Variants in NAALADL2 observed in about 807,000 individuals in gnomAD.
The protein encoded by NAALADL2 is inactive N-acetylated-alpha-linked acidic dipeptidase-like protein 2.
In NAALADL2, 76 loss-of-function variants were observed where a neutral mutation model predicts 87.2. The observed-to-expected ratio is 0.87, with a 90% CI of 0.72 to 1.05. NAALADL2 has a LOEUF of 1.05. Among genes scored for constraint, NAALADL2 ranks in the 50% least tolerant of loss-of-function variants. The probability of loss-of-function intolerance (pLI) is 0.00; values close to 1 mark genes in which losing one functional copy is unlikely to be tolerated. For missense variants in NAALADL2, 1,089 were observed against 945.8 expected (o/e 1.15, Z -1.99); for synonymous variants, 354 against 331.0 (o/e 1.07, Z -0.75).
intron 1 of NAALADL2, among the ~76,000 whole-genome samples, chr3:174,473,385 G>C (rs1177887339): frequency 6.6e-6 from 1 of 152,068 alleles, no homozygotes; most frequent in Non-Finnish European, 1.5e-5. Flanking sequence ...TCAGTGTCAA[G>C]AGCCACCATC....
intron 5 of NAALADL2, among the ~76,000 whole-genome samples, chr3:175,357,295 T>C (rs183774982): frequency 2.6e-5 from 4 of 152,250 alleles, no homozygotes; most frequent in Admixed American, 2.6e-4. Context: ...TTATTTAGGC[T>C]TGACTCATCT....
chr3:174,918,909 T>C (rs749138939), intron 1 of NAALADL2, among the ~76,000 whole-genome samples: 2 of 151,914 alleles, frequency 1.3e-5, no homozygotes, highest in Non-Finnish European at 2.9e-5. Context: ...TTAATATTGA[T>C]GTTCAGATCG....
chr3:175,190,430 G>C (rs1737970961), intron 2 of NAALADL2, among the ~76,000 whole-genome samples: 1 of 152,020 alleles, frequency 6.6e-6, no homozygotes. Flanking sequence ...ATGGCCATCA[G>C]GTAAATGAAA....
chr3:174,863,093 A>G (rs1030155801), intron 1 of NAALADL2, among the ~76,000 whole-genome samples: 4 of 152,144 alleles, frequency 2.6e-5, no homozygotes, highest in Non-Finnish European at 5.9e-5. Flanking sequence ...AAGCTAGAAG[A>G]TAGTCTCAAG....
intron 1 of NAALADL2, among the ~76,000 whole-genome samples, chr3:175,087,336 C>A (rs1040477958): frequency 6.6e-6 from 1 of 152,134 alleles, no homozygotes; most frequent in Non-Finnish European, 1.5e-5. Flanking sequence ...AGGTTGGGGG[C>A]GCCTCTGCAC....
chr3:175,390,896 C>T (rs1252538439), intron 5 of NAALADL2, among the ~76,000 whole-genome samples: 1 of 152,120 alleles, frequency 6.6e-6, no homozygotes, highest in Admixed American at 6.5e-5. Context: ...CAATCTGCAC[C>T]TGTACTAAGT....
chr3:175,352,078 C>T (rs1763834980), intron 5 of NAALADL2, among the ~76,000 whole-genome samples: 1 of 151,970 alleles, frequency 6.6e-6, no homozygotes, highest in Admixed American at 6.6e-5. Flanking sequence ...GAGGTTTCTC[C>T]TGCATAGAAT....
At chr3:174,882,634 T>C (rs557540045) in intron 1 of NAALADL2, among the ~76,000 whole-genome samples, 7 of 89,560 alleles carry the variant, frequency 7.8e-5, no homozygotes, top group East Asian at 4.0e-4. Context: ...TATGTGCATA[T>C]ACACATATGT....
chr3:174,655,812 ACTTT>A (rs777479618), intron 2 of NAALADL2, among the ~76,000 whole-genome samples: 10 of 152,176 alleles, frequency 6.6e-5, no homozygotes, highest in Non-Finnish European at 5.9e-5. Flanking sequence ...AAATTACCTT[ACTTT>A]ATCAGTTTTA....
At chr3:174,825,921 G>A (rs1721931082) in intron 3 of NAALADL2, among the ~76,000 whole-genome samples, 1 of 152,102 alleles carries the variant, frequency 6.6e-6, no homozygotes. Flanking sequence ...CAGCTACTCA[G>A]GAGGCTGAGG....
intron 3 of NAALADL2, among the ~76,000 whole-genome samples, chr3:175,243,000 G>A (rs370207540): frequency 5.9e-5 from 9 of 151,998 alleles, no homozygotes; most frequent in African/African-American, 1.9e-4. Flanking sequence ...GGACATGAAT[G>A]GTTAAGTATT....
intron 1 of NAALADL2, among the ~76,000 whole-genome samples, chr3:175,087,355 C>T (rs1224000036): frequency 2.0e-5 from 3 of 151,896 alleles, no homozygotes; most frequent in Non-Finnish European, 4.4e-5. Flanking sequence ...ACGGCCGCCC[C>T]GTCTGGGAAG....
At chr3:174,998,211 C>G (rs905348663) in intron 1 of NAALADL2, among the ~76,000 whole-genome samples, 2 of 152,180 alleles carry the variant, frequency 1.3e-5, no homozygotes, top group Admixed American at 6.5e-5. Context: ...ATCCTCACGA[C>G]AGTGTACAAG....
chr3:174,453,910 A>G (rs1308467085), intron 1 of NAALADL2, among the ~76,000 whole-genome samples: 1 of 152,184 alleles, frequency 6.6e-6, no homozygotes, highest in Non-Finnish European at 1.5e-5. Flanking sequence ...CCTCATATCA[A>G]TACTAACCTT....
chr3:175,451,597 A>C (rs1016861433), intron 6 of NAALADL2, among the ~76,000 whole-genome samples: 1 of 152,162 alleles, frequency 6.6e-6, no homozygotes, highest in Non-Finnish European at 1.5e-5. Context: ...AGAAATTTTA[A>C]AATCCATTAA....
intron 12 of NAALADL2, among the ~76,000 whole-genome samples, chr3:175,747,976 T>C (rs543478266): frequency 2.0e-5 from 3 of 152,286 alleles, no homozygotes; most frequent in Non-Finnish European, 2.9e-5. Context: ...ACCTGGATTA[T>C]TGGATAATCT....
chr3:175,131,892 A>C (rs368864235), intron 2 of NAALADL2, among the ~76,000 whole-genome samples: 1 of 27,318 alleles, frequency 3.7e-5, no homozygotes. Flanking sequence ...CCTCCCTCCC[A>C]GACGGGGCGG....
intron 3 of NAALADL2, among the ~76,000 whole-genome samples, chr3:174,762,481 G>A (rs1451638328): frequency 6.7e-6 from 1 of 149,990 alleles, no homozygotes; most frequent in Non-Finnish European, 1.5e-5. Context: ...ACCATGTTCC[G>A]TATAAAGCAA....
intron 13 of NAALADL2, among the ~76,000 whole-genome samples, chr3:175,767,021 C>G (rs1748788531): frequency 6.6e-6 from 1 of 152,062 alleles, no homozygotes; most frequent in Non-Finnish European, 1.5e-5. Flanking sequence ...GTACACCATC[C>G]CCAGTGGAAT....
Sources: gnomAD v4.1 joint callset for allele counts (sites outside exome capture counted in the v4.1 genomes callset) on GRCh38, gnomAD v4.1.1 for gene constraint, MANE v1.5 for transcripts, NCBI Gene and HGNC (gene_info 2026-07-23, HGNC 2026-07-21) for gene names.